The following PCDH9 variants were observed in gnomAD, a reference collection of about 807,000 sequenced individuals.
PCDH9 encodes protocadherin-9.
A neutral mutation model predicts 70.6 loss-of-function variants in PCDH9; 24 were observed. The ratio of observed to expected loss-of-function variants is 0.34; its 90% CI spans 0.25 to 0.48. The LOEUF is 0.48. Among genes scored for constraint, PCDH9 ranks in the 20% least tolerant of loss-of-function variants. PCDH9 has a pLI of 0.99. For missense variants in PCDH9, 1,281 were observed against 1,503.6 expected (o/e 0.85, Z 2.45); for synonymous variants, 562 against 558.5 (o/e 1.01, Z -0.09).
chr13:66,787,489 A>G (rs930880654), intron 3 of PCDH9, among the ~76,000 whole-genome samples: 16 of 151,840 alleles, frequency 1.1e-4, no homozygotes, highest in African/African-American at 3.4e-4. Context: ...GGTAGCGGGT[A>G]CCTTTAATCC....
chr13:67,140,032 C>T (rs185070199), intron 2 of PCDH9, among the ~76,000 whole-genome samples: 1 of 114,582 alleles, frequency 8.7e-6, no homozygotes, highest in Non-Finnish European at 1.8e-5. Context: ...ATCACCCCCC[C>T]CCCCCCGCCC....
intron 4 of PCDH9, among the ~76,000 whole-genome samples, chr13:66,577,337 G>T (rs2076829632): frequency 6.6e-6 from 1 of 151,754 alleles, no homozygotes; most frequent in Non-Finnish European, 1.5e-5. Flanking sequence ...CTCTATCCTG[G>T]ACTTCAGAAA....
chr13:66,894,401 G>A (rs2082143440), intron 3 of PCDH9, among the ~76,000 whole-genome samples: 1 of 152,052 alleles, frequency 6.6e-6, no homozygotes, highest in Non-Finnish European at 1.5e-5. Context: ...ATATAAAATT[G>A]AAGTATAAGC....
chr13:67,175,685 A>G (rs1350161241), intron 2 of PCDH9, among the ~76,000 whole-genome samples: 1 of 152,214 alleles, frequency 6.6e-6, no homozygotes, highest in Non-Finnish European at 1.5e-5. Context: ...GATGAGAAAG[A>G]GAAATGAAAA....
intron 2 of PCDH9, among the ~76,000 whole-genome samples, chr13:66,980,078 CTCTATCTATCTATCTATCTA>C (rs34374674): frequency 1.2e-4 from 17 of 147,132 alleles, no homozygotes; most frequent in South Asian, 4.4e-4. Context: ...AATTATCCAT[CTCTATCTATCTATCTATCTA>C]TCTATCTATC....
chr13:66,701,185 C>A (rs2078642116), intron 3 of PCDH9, among the ~76,000 whole-genome samples: 1 of 151,462 alleles, frequency 6.6e-6, no homozygotes, highest in Admixed American at 6.6e-5. Context: ...ATAGTGAGCT[C>A]TTCTGGATTG....
intron 3 of PCDH9, among the ~76,000 whole-genome samples, chr13:66,869,383 C>A (rs568814059): frequency 1.3e-5 from 2 of 152,162 alleles, no homozygotes; most frequent in East Asian, 1.9e-4. Context: ...ATTTTTGCAA[C>A]CCTTCTAGGG....
At chr13:66,884,870 T>C (rs2081982555) in intron 3 of PCDH9, among the ~76,000 whole-genome samples, 1 of 152,200 alleles carries the variant, frequency 6.6e-6, no homozygotes, top group South Asian at 2.1e-4. Flanking sequence ...TTACATTCTA[T>C]GTCTCTCAAA....
intron 4 of PCDH9, among the ~76,000 whole-genome samples, chr13:66,489,114 CTT>C (rs1362763342): frequency 6.6e-6 from 1 of 152,052 alleles, no homozygotes; most frequent in African/African-American, 2.4e-5. Context: ...TAGGTAGACA[CTT>C]TTCAAACTAA....
intron 4 of PCDH9, among the ~76,000 whole-genome samples, chr13:66,331,605 G>C (rs922668609): frequency 3.7e-4 from 57 of 152,252 alleles, no homozygotes; most frequent in African/African-American, 1.3e-3. Flanking sequence ...TATTGAAACT[G>C]ATCAACCCAA....
At chr13:66,652,206 C>T (rs1271560251) in intron 3 of PCDH9, among the ~76,000 whole-genome samples, 1 of 151,918 alleles carries the variant, frequency 6.6e-6, no homozygotes. Context: ...AAGGAAGAAG[C>T]CAATTACCCT....
intron 4 of PCDH9, among the ~76,000 whole-genome samples, chr13:66,567,999 T>A (rs1318577147): frequency 6.6e-6 from 1 of 152,194 alleles, no homozygotes; most frequent in African/African-American, 2.4e-5. Flanking sequence ...TACTGTGTGT[T>A]TGTTATTAAC....
chr13:66,637,647 C>T (rs1200716468), intron 3 of PCDH9, among the ~76,000 whole-genome samples: 2 of 152,140 alleles, frequency 1.3e-5, no homozygotes, highest in African/African-American at 4.8e-5. Flanking sequence ...GGCACAGTGG[C>T]TGACGCCTGT....
intron 4 of PCDH9, among the ~76,000 whole-genome samples, chr13:66,555,690 G>GCTGAATGAAATTGTTTTCTGACTCTTAT (rs1961705471): frequency 6.7e-6 from 1 of 150,298 alleles, no homozygotes; most frequent in Non-Finnish European, 1.5e-5. Context: ...CAATATATGA[G>GCTGAATGAAATTGTTTTCTGACTCTTAT]CTGAATGAAA....
chr13:67,186,295 C>A (rs1378450316), intron 2 of PCDH9, among the ~76,000 whole-genome samples: 1 of 152,028 alleles, frequency 6.6e-6, no homozygotes, highest in Admixed American at 6.6e-5. Context: ...AAGTTGAAAA[C>A]TCATGAATTG....
rs775437834 is a variant in PCDH9 at position 67,227,635 on chromosome 13, G to A, written c.806C>T (p.Thr269Ile). 4.3e-6 allele frequency: 7 copies of A among 1,612,982 alleles called. No individual in the cohort carries two copies. In the African/African-American group the frequency reaches 6.7e-5, roughly 15 times the overall value. Reference sequence around the variant, plus strand: ...AGTGGCATGGAGCTGAATTACAGAGGTACCTACGGGAGCATTCTCTGGAAT... The same window carrying A: ...AGTGGCATGGAGCTGAATTACAGAGATACCTACGGGAGCATTCTCTGGAAT... ...VHIPENAPVGTSVIQLHATDA... is the reference protein window; with the variant it reads ...VHIPENAPVGISVIQLHATDA... The change falls in exon 2 of 5, where the codon ACC becomes ATC. Residue 269 changes from threonine (T) to isoleucine (I), a missense_variant. Coordinates refer to ENST00000377865, the MANE Select transcript of PCDH9 (RefSeq NM_203487.3). The surrounding 1 kb of genome is among the most constrained non-coding windows in gnomAD (Gnocchi z 4.6).
chr13:66,426,871 T>A (rs1957679782), intron 4 of PCDH9, among the ~76,000 whole-genome samples: 1 of 151,592 alleles, frequency 6.6e-6, no homozygotes, highest in South Asian at 2.1e-4. Context: ...ACTTTTAACA[T>A]GTTTTATAAT....
At chr13:66,374,833 A>T (rs1277562589) in intron 4 of PCDH9, among the ~76,000 whole-genome samples, 3 of 152,072 alleles carry the variant, frequency 2.0e-5, no homozygotes, top group Non-Finnish European at 4.4e-5. Flanking sequence ...GAGCAACAAG[A>T]TGTATTTCTT....
intron 2 of PCDH9, among the ~76,000 whole-genome samples, chr13:66,914,244 T>A (rs1336858774): frequency 6.6e-6 from 1 of 151,956 alleles, no homozygotes; most frequent in African/African-American, 2.4e-5. Context: ...GGGTAAAGAA[T>A]CCCTGAAGGA....
Sources: gnomAD v4.1 joint callset for allele counts (sites outside exome capture counted in the v4.1 genomes callset) on GRCh38, gnomAD v4.1.1 for gene constraint, Gnocchi (gnomAD v3.1) non-coding constraint, MANE v1.5 for transcripts, NCBI Gene and HGNC (gene_info 2026-07-23, HGNC 2026-07-21) for gene names.